The following COPB1 variants were observed in gnomAD, a reference collection of about 807,000 sequenced individuals.
The protein encoded by COPB1 is coatomer subunit beta.
Under a neutral mutation model 108.7 loss-of-function variants are expected in COPB1, and 21 were observed. The ratio of observed to expected loss-of-function variants is 0.19; its 90% CI spans 0.14 to 0.28. The LOEUF (loss-of-function observed/expected upper bound fraction) is 0.28, where lower values mean the gene tolerates loss of function less well. Ranked by LOEUF, COPB1 falls within the 10% of genes least tolerant of loss-of-function variation. The pLI is 1.00. For synonymous variants in COPB1, 378 were observed against 386.8 expected (o/e 0.98, Z 0.27); for missense variants, 919 against 1,141.3 (o/e 0.81, Z 2.81).
At chr11:14,486,259 TTC>T in intron 7 of COPB1, 106 bp downstream of exon 7, 1 of 1,296,506 alleles carries the variant, frequency 7.7e-7, no homozygotes, top group East Asian at 2.3e-5. Context: ...TTTGTAGTTA[TTC>T]TCTCTGTGCC....
At chr11:14,462,057 A>G (rs1406918398) in intron 18 of COPB1, among the ~76,000 whole-genome samples, 2 of 152,014 alleles carry the variant, frequency 1.3e-5, no homozygotes, top group Non-Finnish European at 2.9e-5. Flanking sequence ...CAGTATAGAC[A>G]CAACCATTTT....
chr11:14,469,327 A>G lies in COPB1; in HGVS notation c.1965+9T>C, dbSNP rs1850355075. 1 of 1,609,618 alleles carries G rather than the reference A, an allele frequency of 6.2e-7. No homozygotes were observed. The highest frequency in any genetic ancestry group is 8.5e-7 in the Non-Finnish European group (1 of 1,176,058). On this transcript the variant is annotated intron_variant, in intron 15 of 21. Coordinates refer to ENST00000439561, the MANE Select transcript of COPB1 (RefSeq NM_001144061.2). Reference sequence around the variant, plus strand: ...AAACACTTTTGTTGCCTCATCATATATACCTTACCTTTTGGGATAATTTCT... The same window carrying G: ...AAACACTTTTGTTGCCTCATCATATGTACCTTACCTTTTGGGATAATTTCT...
At chr11:14,467,260 A>G (rs2060893986) in intron 16 of COPB1, among the ~76,000 whole-genome samples, 1 of 152,164 alleles carries the variant, frequency 6.6e-6, no homozygotes, top group Non-Finnish European at 1.5e-5. Flanking sequence ...AAGAAAATAT[A>G]CAAATGGCCA....
intron 21 of COPB1, among the ~76,000 whole-genome samples, 191 bp from the exon 22 acceptor site, chr11:14,458,074 A>ATTTTTTTTT (rs748562590): frequency 2.0e-5 from 2 of 100,728 alleles, no homozygotes; most frequent in Non-Finnish European, 3.7e-5. Context: ...CCGTCACCAG[A>ATTTTTTTTT]TTTTTTTTTT....
At chr11:14,467,278 C>T (rs554711290) in intron 16 of COPB1, among the ~76,000 whole-genome samples, 91 of 151,986 alleles carry the variant, frequency 6.0e-4, no homozygotes, top group African/African-American at 2.2e-3. Flanking sequence ...CCAATAAGCA[C>T]GTGAAAAGAC....
intron 1 of COPB1, 193 bp downstream of exon 1, chr11:14,499,514 C>A (rs1034265515): frequency 6.6e-6 from 1 of 151,926 alleles, no homozygotes; most frequent in African/African-American, 2.4e-5. Flanking sequence ...GGGAAAAGAC[C>A]CCCGGCCAAT....
chr11:14,499,576 CACCCCG>C (rs950923101), intron 1 of COPB1, 125 bp downstream of exon 1: 2 of 146,350 alleles, frequency 1.4e-5, no homozygotes, highest in African/African-American at 2.5e-5. Flanking sequence ...CCTCCGCCCC[CACCCCG>C]ACCCGCACCC....
chr11:14,493,988 T>C (rs555904466), intron 3 of COPB1, among the ~76,000 whole-genome samples, 177 bp from the exon 4 acceptor site: 10 of 152,326 alleles, frequency 6.6e-5, no homozygotes, highest in Admixed American at 4.6e-4. Context: ...CAATGTCTTA[T>C]ATGTGTGTCA....
intron 11 of COPB1, among the ~76,000 whole-genome samples, chr11:14,478,038 A>T (rs1850567458): frequency 6.6e-6 from 1 of 152,086 alleles, no homozygotes; most frequent in Non-Finnish European, 1.5e-5. Context: ...AAAACCAACA[A>T]GATTCTGCAG....
At chr11:14,484,704 T>A (rs535892271) in intron 7 of COPB1, among the ~76,000 whole-genome samples, 1 of 152,070 alleles carries the variant, frequency 6.6e-6, no homozygotes, top group Non-Finnish European at 1.5e-5. Flanking sequence ...AGCGACGGAG[T>A]GAGACTCCGT....
Position 14,498,976 on chromosome 11 carries a change from GC to G in COPB1, c.-49del. On this transcript the variant is annotated 5_prime_UTR_variant, in exon 2 of 22. Transcript: ENST00000439561. ...AATCCTTGACACAAGATTTAAGGAT[GC>G]CAGAAAATCTAGAAAAATAAACACA... 6.9e-7 allele frequency: 1 copy of G among 1,441,434 alleles called. No individual in the cohort carries two copies. Among genetic ancestry groups the G allele is most frequent in the East Asian group, 2.3e-5 (1 of 43,586 alleles). The allele number at this position is 1,441,434 out of a possible 1,614,324, so 89.3% of individuals were successfully genotyped here. A position where few individuals can be genotyped will look rare whatever the true frequency, so the allele number is the denominator to read the frequency against.
Position 14,469,319 on chromosome 11 carries a change from C to G in COPB1, c.1965+17G>C. ...GAGACACAAAACACTTTTGTTGCCT[C>G]ATCATATATACCTTACCTTTTGGGA... is the stretch of plus-strand genomic sequence containing the variant. On this transcript the variant is annotated intron_variant, in intron 15 of 21. Transcript: ENST00000439561. The G allele has an allele frequency of 6.3e-7, 1 of 1,598,056 alleles. No homozygotes were observed. The highest frequency in any genetic ancestry group is 8.6e-7 in the Non-Finnish European group (1 of 1,165,910).
chr11:14,459,572 G>A (rs756947832), intron 20 of COPB1, among the ~76,000 whole-genome samples: 3 of 151,932 alleles, frequency 2.0e-5, no homozygotes, highest in Non-Finnish European at 4.4e-5. Context: ...CAGAGCCCAC[G>A]GAAGAGCTCA....
intron 20 of COPB1, among the ~76,000 whole-genome samples, chr11:14,459,848 C>G (rs747625154): frequency 6.6e-6 from 1 of 152,142 alleles, no homozygotes; most frequent in Non-Finnish European, 1.5e-5. Flanking sequence ...AACTCCTGAC[C>G]TCAAGTGATC....
intron 18 of COPB1, 133 bp downstream of exon 18, chr11:14,464,778 C>T: frequency 1.0e-6 from 1 of 957,110 alleles, no homozygotes; most frequent in African/African-American, 1.6e-5. Flanking sequence ...ATGCGTGGTA[C>T]CATAGAGAGT....
At chr11:14,498,060 G>A (rs551020342) in intron 2 of COPB1, among the ~76,000 whole-genome samples, 1 of 152,282 alleles carries the variant, frequency 6.6e-6, no homozygotes, top group East Asian at 1.9e-4. Context: ...GTAGGGAAGT[G>A]GAGATGGTTA....
chr11:14,491,490 A>G (rs1238396957), intron 4 of COPB1, among the ~76,000 whole-genome samples: 1 of 152,136 alleles, frequency 6.6e-6, no homozygotes, highest in East Asian at 1.9e-4. Flanking sequence ...ACCAACATGG[A>G]GAAACTCCAT....
chr11:14,497,634 G>C (rs1399956619), intron 2 of COPB1, among the ~76,000 whole-genome samples: 1 of 152,094 alleles, frequency 6.6e-6, no homozygotes, highest in Non-Finnish European at 1.5e-5. Flanking sequence ...CAGTTTGGAG[G>C]GTCCTCAAAA....
chr11:14,499,095 G>C (rs897435633), intron 1 of COPB1, 110 bp from the exon 2 acceptor site: 2 of 544,712 alleles, frequency 3.7e-6, no homozygotes, highest in African/African-American at 4.0e-5. Context: ...AATCTATATC[G>C]TGTTCCCATA....
Sources: allele counts gnomAD v4.1 joint callset (sites outside exome capture counted in the v4.1 genomes callset), GRCh38; gene constraint gnomAD v4.1.1; transcripts MANE v1.5; gene names NCBI Gene and HGNC (gene_info 2026-07-23, HGNC 2026-07-21).